The following CX3CL1 variants were observed in gnomAD, a reference collection of about 807,000 sequenced individuals.
CX3CL1 encodes fractalkine.
In CX3CL1, 1 loss-of-function variant was observed where a neutral mutation model predicts 14.1. The observed-to-expected ratio is 0.07, with a 90% CI of 0.03 to 0.34. The LOEUF (loss-of-function observed/expected upper bound fraction) is 0.34. Among genes scored for constraint, CX3CL1 ranks in the 10% least tolerant of loss-of-function variants. CX3CL1 has a pLI of 0.99. For synonymous variants in CX3CL1, 255 were observed against 229.6 expected, an observed-to-expected ratio of 1.11 and a Z score of -1.00; for missense variants, 505 against 536.4, an observed-to-expected ratio of 0.94 and a Z score of 0.58.
Position 57,382,616 on chromosome 16 carries a change from C to T in CX3CL1, c.778C>T (p.Leu260=). The T allele has an allele frequency of 1.4e-5, 22 of 1,613,932 alleles. No homozygotes were observed. The highest frequency in any genetic ancestry group is 1.9e-5 in the Non-Finnish European group (22 of 1,179,888). Residue 260 remains leucine (L), a synonymous_variant, in exon 3 of 3, where the codon CTG becomes TTG. Transcript: ENST00000006053. This position sits in a 1 kb window ranked among gnomAD's most constrained non-coding sequence, Gnocchi z 6.9. ...QGQSPRPENS[L]EREEMGPVPA... ...ACAGAGCCCCAGGCCAGAGAACTCT[C>T]TGGAGCGGGAGGAGATGGGTCCCGT...
intron 1 of CX3CL1, among the ~76,000 whole-genome samples, chr16:57,372,911 T>G (rs1427003269): frequency 6.6e-6 from 1 of 151,922 alleles, no homozygotes; most frequent in Non-Finnish European, 1.5e-5. Context: ...GTGGGTGGCA[T>G]AAGGGAGCCA....
rs367639918 is a variant in CX3CL1 at position 57,380,432 on chromosome 16, C to A, written c.191+678C>A. Among the ~76,000 whole-genome samples, 22 of 152,196 alleles carry A rather than the reference C, an allele frequency of 1.4e-4. No homozygotes were observed. The East Asian group carries it at 3.3e-3, about 23-fold the overall frequency. ...AACTAGCCTGGCATGGTGGTGGGCG[C>A]CTGTAATCCCAGCTACTCGGGAGGT... On this transcript the variant is annotated intron_variant, in intron 2 of 2. Transcript: ENST00000006053.
At chr16:57,372,691 G>T in intron 1 of CX3CL1, 53 bp downstream of exon 1, 2 of 1,587,586 alleles carry the variant, frequency 1.3e-6, no homozygotes, top group Admixed American at 1.7e-5. Flanking sequence ...CCAGCCCCTT[G>T]TCTATCCCTC....
intron 2 of CX3CL1, among the ~76,000 whole-genome samples, chr16:57,380,902 A>G (rs898467523): frequency 6.6e-6 from 1 of 152,186 alleles, no homozygotes; most frequent in African/African-American, 2.4e-5. Flanking sequence ...GAAGTCTGGC[A>G]CTTCCTCTCC....
intron 1 of CX3CL1, among the ~76,000 whole-genome samples, chr16:57,374,396 G>GC (rs1427016279): frequency 4.0e-5 from 6 of 151,218 alleles, no homozygotes; most frequent in South Asian, 4.3e-4. Flanking sequence ...GCAGAGCATT[G>GC]CCCCCCCACT....
Position 57,382,733 on chromosome 16 carries a change from A to G in CX3CL1, c.895A>G (p.Arg299Gly). ...VPVSSEGTPS[R>G]EPVASGSWTP... Reference sequence around the variant, plus strand: ...TGTCTCCTCAGAAGGGACCCCCAGCAGGGAGCCAGTGGCTTCAGGCAGCTG... The same window carrying G: ...TGTCTCCTCAGAAGGGACCCCCAGCGGGGAGCCAGTGGCTTCAGGCAGCTG... Residue 299 changes from arginine (R) to glycine (G), a missense_variant, in exon 3 of 3, where the codon AGG becomes GGG. By Grantham distance (125) the Arg-to-Gly change is moderately radical. Transcript: ENST00000006053. The surrounding 1 kb of genome is among the most constrained non-coding windows in gnomAD (Gnocchi z 6.9). The G allele has an allele frequency of 6.2e-7, 1 of 1,612,834 alleles. No individual in the cohort carries two copies.
chr16:57,379,828 G>T (rs190855887), intron 2 of CX3CL1, 74 bp downstream of exon 2: 13 of 1,555,174 alleles, frequency 8.4e-6, no homozygotes, highest in East Asian at 4.5e-5. Context: ...GAGAATCTAC[G>T]TCCACACCTC....
chr16:57,381,824 T>C (rs1311210963), intron 2 of CX3CL1, among the ~76,000 whole-genome samples: 1 of 152,108 alleles, frequency 6.6e-6, no homozygotes, highest in East Asian at 1.9e-4. Context: ...GAGGCTTTCC[T>C]ATCTCCATTT....
intron 1 of CX3CL1, among the ~76,000 whole-genome samples, chr16:57,374,617 C>T (rs549419700): frequency 4.3e-4 from 66 of 152,166 alleles, no homozygotes; most frequent in African/African-American, 1.6e-3. Flanking sequence ...AGGTATTATG[C>T]CACAAAGCGC....
At chr16:57,373,321 C>T (rs1902204724) in intron 1 of CX3CL1, among the ~76,000 whole-genome samples, 1 of 152,210 alleles carries the variant, frequency 6.6e-6, no homozygotes, top group Non-Finnish European at 1.5e-5. Context: ...ATTAACCATC[C>T]TACCTGATAT....
At chr16:57,375,432 G>T (rs170363) in intron 1 of CX3CL1, among the ~76,000 whole-genome samples, 3,591 of 152,296 alleles carry the variant, frequency 0.024, 64 homozygotes, top group Middle Eastern at 0.061. Flanking sequence ...GTAGAGGCCA[G>T]AGATGCTGCC....
rs1902333347 is a variant in CX3CL1, at chr16:57,382,255, G to A, written c.417G>A (p.Glu139=). ...CCACAGGCGAAAGCAGTAGCCTGGA[G>A]CCGACTCCTTCTTCCCAGGAAGCAC... The part of the protein sequence containing the change: ...PEATGESSSL[E]PTPSSQEAQR... The change falls in exon 3 of 3, where the codon GAG becomes GAA. Residue 139 remains glutamate (E), a synonymous_variant. Coordinates refer to ENST00000006053, the MANE Select transcript of CX3CL1 (RefSeq NM_002996.6). This position sits in a 1 kb window ranked among gnomAD's most constrained non-coding sequence, Gnocchi z 6.9. 6.2e-7 allele frequency: 1 copy of A among 1,609,996 alleles called. No homozygotes were observed. Among genetic ancestry groups the A allele is most frequent in the African/African-American group, 1.3e-5 (1 of 74,854 alleles).
chr16:57,379,604 C>T (rs1419095289), intron 1 of CX3CL1, 30 bp from the exon 2 acceptor site: 2 of 1,613,892 alleles, frequency 1.2e-6, no homozygotes, highest in East Asian at 2.2e-5. Flanking sequence ...CACAGACATC[C>T]CTGCTGACCA....
In CX3CL1 at chr16:57,372,766, C is replaced by T. The variant is rs529365298; in HGVS notation, c.70+128C>T. The stretch of plus-strand genomic sequence containing the variant: ...GCTCAAGGCCGGTGGCAGCCGCTTC[C>T]CCAGGGATGTGCGAGAGGGGGCTGG... On this transcript the variant is annotated intron_variant, in intron 1 of 2. Coordinates refer to ENST00000006053, the MANE Select transcript of CX3CL1 (RefSeq NM_002996.6). 569 of 852,914 alleles carry T rather than the reference C, an allele frequency of 6.7e-4. 2 individuals are homozygous for T. The highest frequency in any genetic ancestry group is 2.7e-4 in the Non-Finnish European group (148 of 541,392). 52.8% of individuals were successfully genotyped at this position (852,914 alleles called of 1,614,324 possible).
intron 2 of CX3CL1, among the ~76,000 whole-genome samples, chr16:57,381,363 C>T (rs1308164364): frequency 1.3e-5 from 2 of 152,150 alleles, no homozygotes; most frequent in African/African-American, 4.8e-5. Context: ...CTCGGGATCC[C>T]AGTGAGGCTG....
At position 57,382,560 on chromosome 16, in the gene CX3CL1, C is replaced by T. The variant is rs137886321; in HGVS notation, c.722C>T (p.Pro241Leu). ...TCCCCAGCCCCAGAGGAGAATGCTC[C>T]GTCTGAAGGCCAGCGTGTGTGGGGT... is the stretch of plus-strand genomic sequence containing the variant. The part of the protein sequence containing the change: ...ASSPAPEENA[P>L]SEGQRVWGQG... Residue 241 changes from proline (P) to leucine (L), a missense_variant, in exon 3 of 3, where the codon CCG (proline) becomes CTG (leucine). Coordinates refer to ENST00000006053, the MANE Select transcript of CX3CL1 (RefSeq NM_002996.6). This position sits in a 1 kb window ranked among gnomAD's most constrained non-coding sequence, Gnocchi z 6.9. The T allele has an allele frequency of 3.2e-3, 5,232 of 1,613,994 alleles. 9 individuals are homozygous for T. The highest frequency in any genetic ancestry group is 3.8e-3 in the Non-Finnish European group (4,522 of 1,179,950).
intron 1 of CX3CL1, chr16:57,378,683 C>G (rs1162063984): frequency 6.6e-6 from 1 of 152,038 alleles, no homozygotes; most frequent in African/African-American, 2.4e-5. Flanking sequence ...AGGCTGGTCT[C>G]AAACTCCTGA....
Position 57,382,738 on chromosome 16 carries a change from G to T in CX3CL1, c.900G>T (p.Glu300Asp). ...PVSSEGTPSR[E>D]PVASGSWTPK... ...CCTCAGAAGGGACCCCCAGCAGGGA[G>T]CCAGTGGCTTCAGGCAGCTGGACCC... is the stretch of plus-strand genomic sequence containing the variant. Residue 300 changes from glutamate (E) to aspartate (D), a missense_variant, in exon 3 of 3, where the codon GAG becomes GAT. Transcript: ENST00000006053. This position sits in a 1 kb window ranked among gnomAD's most constrained non-coding sequence, Gnocchi z 6.9. 6.2e-7 allele frequency: 1 copy of T among 1,612,726 alleles called. No homozygotes were observed.
In CX3CL1 at chr16:57,382,968, C is replaced by T. The variant is rs144523237; in HGVS notation, c.1130C>T (p.Ala377Val). 2.9e-5 allele frequency: 43 copies of T among 1,506,222 alleles called. No homozygotes were observed. Among genetic ancestry groups the T allele is most frequent in the African/African-American group, 1.7e-4 (12 of 71,542 alleles). 93.3% of individuals were successfully genotyped at this position (1,506,222 alleles called of 1,614,324 possible). A position where few individuals can be genotyped will look rare whatever the true frequency, so the allele number is the denominator to read the frequency against. The stretch of plus-strand genomic sequence containing the variant: ...CCTCGAAAGATGGCAGGAGAGATGG[C>T]GGAGGGCCTTCGCTACATCCCCCGG... ...GCPRKMAGEM[A>V]EGLRYIPRSC... is the part of the protein sequence containing the mutation. Residue 377 changes from alanine to valine, a missense_variant, in exon 3 of 3, where the codon GCG becomes GTG. Physicochemically the swap from Ala to Val is moderately conservative, Grantham distance 64. Transcript: ENST00000006053. The surrounding 1 kb of genome is among the most constrained non-coding windows in gnomAD (Gnocchi z 6.9).
Sources: gnomAD v4.1 joint callset for allele counts (sites outside exome capture counted in the v4.1 genomes callset) on GRCh38, gnomAD v4.1.1 for gene constraint, Gnocchi (gnomAD v3.1) non-coding constraint, MANE v1.5 for transcripts, NCBI Gene and HGNC (gene_info 2026-07-23, HGNC 2026-07-21) for gene names.